Variants in GFM1 observed in about 807,000 individuals in gnomAD.
The protein encoded by GFM1 is elongation factor G, mitochondrial.
A neutral mutation model predicts 96.2 loss-of-function variants in GFM1; 62 were observed. That is an observed-to-expected ratio of 0.64 (90% CI 0.53 to 0.80). The LOEUF (loss-of-function observed/expected upper bound fraction) is 0.80, where lower values mean the gene tolerates loss of function less well. Ranked by LOEUF, GFM1 falls within the 30% of genes least tolerant of loss-of-function variation. The pLI is 0.00. For synonymous variants in GFM1, 282 were observed against 312.9 expected (o/e 0.90, Z 1.04); for missense variants, 852 against 916.6 (o/e 0.93, Z 0.91).
rs200032705 is a variant in GFM1 at position 158,652,140 on chromosome 3, C to T, written c.734C>T (p.Ala245Val). 25 of 1,613,470 alleles carry T rather than the reference C, an allele frequency of 1.5e-5. No homozygotes were observed. The highest frequency in any genetic ancestry group is 8.3e-5 in the Admixed American group (5 of 60,004). Reference protein sequence around the residue: ...YGEIPAELRAAATDHRQELIE... With the variant: ...YGEIPAELRAVATDHRQELIE... ...GAGATTCCAGCTGAATTAAGGGCGG[C>T]GGCCACTGACCACCGGCAGGAGCTA... Residue 245 changes from alanine to valine, a missense_variant, in exon 6 of 18, where the codon GCG becomes GTG. Ala to Val is a moderately conservative substitution (Grantham distance 64). Coordinates refer to ENST00000486715, the MANE Select transcript of GFM1 (RefSeq NM_024996.7).
intron 13 of GFM1, among the ~76,000 whole-genome samples, chr3:158,672,176 G>GAC (rs1724387379): frequency 6.6e-6 from 1 of 152,154 alleles, no homozygotes; most frequent in Admixed American, 6.5e-5. Context: ...CTGGAGTATA[G>GAC]ACATTCCCCC....
chr3:158,676,150 T>G (rs115808663), intron 13 of GFM1, among the ~76,000 whole-genome samples: 3,678 of 152,238 alleles, frequency 0.024, 154 homozygotes, highest in African/African-American at 0.085. Flanking sequence ...GTGCCTGTAG[T>G]TCCAGCTACT....
chr3:158,645,891 G>A (rs1184802766), intron 2 of GFM1, 110 bp downstream of exon 2: 14 of 1,084,066 alleles, frequency 1.3e-5, no homozygotes, highest in Admixed American at 1.7e-5. Context: ...TGGTAACAGC[G>A]GACTTTTGAC....
intron 15 of GFM1, 177 bp downstream of exon 15, chr3:158,684,845 T>C (rs1048008815): frequency 2.6e-5 from 16 of 625,468 alleles, no homozygotes; most frequent in Non-Finnish European, 3.9e-5. Flanking sequence ...ATGTTCTCTT[T>C]CTTGCAAAGC....
At chr3:158,665,992 T>C (rs1485492823) in intron 12 of GFM1, among the ~76,000 whole-genome samples, 1 of 152,188 alleles carries the variant, frequency 6.6e-6, no homozygotes, top group Non-Finnish European at 1.5e-5. Context: ...AGATAGAAAA[T>C]CCTGACAACA....
chr3:158,682,258 T>C, intron 14 of GFM1, 101 bp downstream of exon 14: 1 of 1,000,818 alleles, frequency 1.0e-6, no homozygotes, highest in Non-Finnish European at 1.5e-6. Context: ...TATCACAGTT[T>C]GTTTTAGTTA....
intron 11 of GFM1, among the ~76,000 whole-genome samples, chr3:158,663,969 A>G (rs1005807976): frequency 2.0e-5 from 3 of 152,178 alleles, no homozygotes; most frequent in Non-Finnish European, 4.4e-5. Context: ...TGCAGAAAAA[A>G]GGCAAAAGAC....
chr3:158,684,904 A>G lies in GFM1; in HGVS notation c.1909+236A>G, dbSNP rs557624618. 7 of 439,038 alleles carry G rather than the reference A, an allele frequency of 1.6e-5. No individual in the cohort carries two copies. The East Asian group carries it at 2.7e-4, about 17-fold the overall frequency. 27.2% of individuals were successfully genotyped at this position (439,038 alleles called of 1,614,324 possible). A position where few individuals can be genotyped will look rare whatever the true frequency, so the allele number is the denominator to read the frequency against. On this transcript the variant is annotated intron_variant, in intron 15 of 17. Coordinates refer to ENST00000486715, the MANE Select transcript of GFM1 (RefSeq NM_024996.7). ...CATTCTCTGGGGCTTTCTTTCATGT[A>G]TTTGAATTCATAGATAATTTATAAG...
intron 5 of GFM1, chr3:158,649,770 A>G (rs1722141813): frequency 4.0e-6 from 2 of 497,010 alleles, no homozygotes; most frequent in Admixed American, 3.1e-5. Context: ...CGTTGTTCAT[A>G]ACAATCCCCT....
chr3:158,672,722 G>A (rs1231019183), intron 13 of GFM1: 1 of 415,508 alleles, frequency 2.4e-6, no homozygotes, highest in East Asian at 4.9e-5. Flanking sequence ...TGCCTGCAGC[G>A]GGCTTCCTTA....
At chr3:158,644,878 G>T in intron 1 of GFM1, 163 bp downstream of exon 1, 2 of 655,294 alleles carry the variant, frequency 3.1e-6, no homozygotes, top group Non-Finnish European at 5.6e-6. Context: ...CTGCACATTA[G>T]CTCGTTAGCT....
intron 6 of GFM1, 48 bp from the exon 7 acceptor site, chr3:158,653,262 A>G: frequency 6.7e-7 from 1 of 1,481,580 alleles, no homozygotes. Context: ...CTTGAAGCAC[A>G]ACATGTAATT....
intron 1 of GFM1, 67 bp downstream of exon 1, chr3:158,644,782 GA>G: frequency 7.3e-7 from 1 of 1,368,510 alleles, no homozygotes; most frequent in Non-Finnish European, 1.0e-6. Context: ...CTGGGCAATG[GA>G]AGGCCGTGAC....
At chr3:158,681,627 T>C (rs1341248234) in intron 13 of GFM1, among the ~76,000 whole-genome samples, 2 of 152,190 alleles carry the variant, frequency 1.3e-5, no homozygotes, top group African/African-American at 4.8e-5. Context: ...CAAGTAGTTG[T>C]CTTTGGTTAC....
intron 13 of GFM1, among the ~76,000 whole-genome samples, chr3:158,680,933 T>G (rs976852383): frequency 2.6e-5 from 4 of 152,200 alleles, no homozygotes; most frequent in African/African-American, 9.6e-5. Flanking sequence ...CAGCCATGGT[T>G]AGTTATTACC....
intron 16 of GFM1, chr3:158,690,613 A>T: frequency 2.5e-6 from 1 of 397,314 alleles, no homozygotes. Context: ...ATAAAATAAG[A>T]TGTATATTAT....
intron 8 of GFM1, among the ~76,000 whole-genome samples, chr3:158,658,076 T>C (rs980518226): frequency 6.6e-6 from 1 of 151,678 alleles, no homozygotes; most frequent in Non-Finnish European, 1.5e-5. Context: ...GTTAAGCCTA[T>C]AATTAACATG....
At chr3:158,647,027 T>G in intron 4 of GFM1, 80 bp downstream of exon 4, 1 of 1,105,856 alleles carries the variant, frequency 9.0e-7, no homozygotes, top group Non-Finnish European at 1.4e-6. Context: ...ATTAATTCAC[T>G]GTCATTAAAC....
Position 158,693,647 on chromosome 3 carries a change from G to A in GFM1, c.*2180G>A, listed in dbSNP as rs548908503. On this transcript the variant is annotated 3_prime_UTR_variant, in exon 18 of 18. Transcript: ENST00000486715. ...ATTAATGAGAATATTCATAGGTGAGGGTTGTTTATACTACTATCAAGAAGG... is the reference window on the plus strand; with the variant it reads ...ATTAATGAGAATATTCATAGGTGAGAGTTGTTTATACTACTATCAAGAAGG... 5 of 152,094 alleles carry A rather than the reference G, an allele frequency of 3.3e-5. No homozygotes were observed. Among genetic ancestry groups the A allele is most frequent in the African/African-American group, 9.7e-5 (4 of 41,410 alleles). 9.4% of individuals were successfully genotyped at this position (152,094 alleles called of 1,614,324 possible).
Sources: gnomAD v4.1 joint callset for allele counts (sites outside exome capture counted in the v4.1 genomes callset) on GRCh38, gnomAD v4.1.1 for gene constraint, MANE v1.5 for transcripts, NCBI Gene and HGNC (gene_info 2026-07-23, HGNC 2026-07-21) for gene names.